Variants in ZNF440 observed in about 807,000 individuals in gnomAD.
ZNF440 encodes zinc finger protein 440.
A neutral mutation model predicts 49.7 loss-of-function variants in ZNF440; 47 were observed. The ratio of observed to expected loss-of-function variants is 0.95; its 90% CI spans 0.75 to 1.21. The LOEUF (loss-of-function observed/expected upper bound fraction) is 1.21. Ranked by LOEUF, ZNF440 falls within the 50% of genes most tolerant of loss-of-function variation. The probability of loss-of-function intolerance (pLI) is 0.00; values close to 1 mark genes in which losing one functional copy is unlikely to be tolerated. For missense variants in ZNF440, 703 were observed against 715.0 expected (o/e 0.98, Z 0.19); for synonymous variants, 255 against 237.7 (o/e 1.07, Z -0.67).
chr19:11,829,501 A>T (rs1258160261), intron 1 of ZNF440, among the ~76,000 whole-genome samples: 2 of 151,920 alleles, frequency 1.3e-5, no homozygotes, highest in Non-Finnish European at 2.9e-5. Flanking sequence ...TGCTAATGTT[A>T]ACTTTGTTTT....
At chr19:11,827,176 G>T (rs1287553322) in intron 1 of ZNF440, among the ~76,000 whole-genome samples, 1 of 151,004 alleles carries the variant, frequency 6.6e-6, no homozygotes, top group Non-Finnish European at 1.5e-5. Flanking sequence ...TGATTCTCCT[G>T]CCTCAGCCTC....
chr19:11,823,763 G>T (rs1469722881), intron 1 of ZNF440, among the ~76,000 whole-genome samples: 3 of 152,072 alleles, frequency 2.0e-5, no homozygotes, highest in African/African-American at 7.2e-5. Context: ...AGGAGTTTGA[G>T]ACCAGCCTGA....
intron 1 of ZNF440, among the ~76,000 whole-genome samples, chr19:11,821,480 C>T (rs1340593320): frequency 2.0e-5 from 3 of 152,126 alleles, no homozygotes; most frequent in African/African-American, 7.2e-5. Flanking sequence ...GCTTCCTGTC[C>T]TCTGGATTGT....
At position 11,817,565 on chromosome 19, in the gene ZNF440, C is replaced by G. The variant is rs141771197; in HGVS notation, c.3+3115C>G. On this transcript the variant is annotated intron_variant, in intron 1 of 3. Transcript: ENST00000304060. ...CCAGCTGAGGACACGCCACTGCACT[C>G]CAGCTTGGGTAACAGAGTGAGACCC... The G allele has an allele frequency of 1.5e-3, 224 of 152,314 alleles. 4 individuals carry two copies. The East Asian group carries it at 0.021, about 14-fold the overall frequency. 9.4% of individuals were successfully genotyped at this position (152,314 alleles called of 1,614,324 possible). A position where few individuals can be genotyped will look rare whatever the true frequency, so the allele number is the denominator to read the frequency against.
chr19:11,827,067 C>CT (rs35413250), intron 1 of ZNF440, among the ~76,000 whole-genome samples: 53,492 of 140,306 alleles, frequency 0.38, 10,374 homozygotes, highest in African/African-American at 0.46. Flanking sequence ...AAAGATTGGG[C>CT]TTTTTTTTTT....
At chr19:11,826,331 T>C (rs376798010) in intron 1 of ZNF440, among the ~76,000 whole-genome samples, 13 of 152,272 alleles carry the variant, frequency 8.5e-5, no homozygotes, top group African/African-American at 2.4e-4. Context: ...TTTTTTTTTT[T>C]TAAGACTCAC....
chr19:11,827,067 CT>C (rs35413250), intron 1 of ZNF440, among the ~76,000 whole-genome samples: 135 of 140,310 alleles, frequency 9.6e-4, no homozygotes, highest in African/African-American at 1.1e-3. Flanking sequence ...AAAGATTGGG[CT>C]TTTTTTTTTT....
chr19:11,820,034 G>A (rs931249221), intron 1 of ZNF440, among the ~76,000 whole-genome samples: 16 of 152,116 alleles, frequency 1.1e-4, no homozygotes, highest in African/African-American at 3.9e-4. Flanking sequence ...TGAAATCTGT[G>A]TCTGAACATT....
chr19:11,831,237 CA>C (rs1975932999), intron 3 of ZNF440, 130 bp from the exon 4 acceptor site: 1 of 1,277,762 alleles, frequency 7.8e-7, no homozygotes, highest in Admixed American at 2.8e-5. Context: ...CAGTCACCTT[CA>C]AACAATTCAG....
At chr19:11,830,590 A>C in intron 2 of ZNF440, 27 bp from the exon 3 acceptor site, 1 of 1,612,386 alleles carries the variant, frequency 6.2e-7, no homozygotes, top group Non-Finnish European at 8.5e-7. Context: ...CTGCCTCAGG[A>C]CTATTTTTTC....
In ZNF440 at chr19:11,831,662, A is replaced by G; in HGVS notation, c.486A>G (p.Gln162=). ...GATACCGCCCCTCCTTTAGAACACA[A>G]GAAAGGGATCACACTGGAGAGAAAC... is the stretch of plus-strand genomic sequence containing the variant. ...AFRYRPSFRT[Q]ERDHTGEKPN... is the part of the protein sequence containing the mutation. Residue 162 remains glutamine (Q), a synonymous_variant, in exon 4 of 4, where the codon CAA becomes CAG. Coordinates refer to ENST00000304060, the MANE Select transcript of ZNF440 (RefSeq NM_152357.3). The G allele has an allele frequency of 6.2e-7, 1 of 1,614,212 alleles. No homozygotes were observed. Among genetic ancestry groups the G allele is most frequent in the Non-Finnish European group, 8.5e-7 (1 of 1,180,024 alleles).
intron 1 of ZNF440, among the ~76,000 whole-genome samples, chr19:11,820,870 A>G (rs2145119521): frequency 1.3e-5 from 2 of 152,300 alleles, no homozygotes; most frequent in Middle Eastern, 6.8e-3. Flanking sequence ...GAGAACTCCC[A>G]AAAGACAAGG....
In ZNF440 at chr19:11,828,921, T is replaced by C. The variant is rs768453948; in HGVS notation, c.4-1362T>C. Among the ~76,000 whole-genome samples the C allele has an allele frequency of 1.9e-4, 29 of 152,058 alleles. 1 individual carries two copies. The highest frequency in any genetic ancestry group is 3.4e-3 in the Middle Eastern group (1 of 290). ...CTGATCTTGAACTCCAACCCTCAGG[T>C]GATCTGCCTACCTTGGCCTTCCAAA... is the stretch of plus-strand genomic sequence containing the variant. On this transcript the variant is annotated intron_variant, in intron 1 of 3. Transcript: ENST00000304060.
intron 1 of ZNF440, among the ~76,000 whole-genome samples, chr19:11,819,369 A>AT (rs1009918237): frequency 6.6e-6 from 1 of 150,782 alleles, no homozygotes; most frequent in Non-Finnish European, 1.5e-5. Flanking sequence ...TAGAGATTAA[A>AT]TTTTTTAATT....
Position 11,832,205 on chromosome 19 carries a change from G to C in ZNF440, c.1029G>C (p.Lys343Asn), listed in dbSNP as rs376743083. 1 of 1,614,054 alleles carries C rather than the reference G, an allele frequency of 6.2e-7. No homozygotes were observed. The highest frequency in any genetic ancestry group is 1.7e-5 in the Admixed American group (1 of 59,996). The change falls in exon 4 of 4, where the codon AAG becomes AAC. Residue 343 changes from lysine to asparagine, a missense_variant. Physicochemically the swap from Lys to Asn is moderately conservative, Grantham distance 94 (BLOSUM62 0). Coordinates refer to ENST00000304060, the MANE Select transcript of ZNF440 (RefSeq NM_152357.3). The stretch of plus-strand genomic sequence containing the variant: ...CTGGAGAAAGACCTTATGAATGTAA[G>C]ATATGTGGAAAAGACTTTTGTTCTG... The part of the protein sequence containing the change: ...LHSGERPYEC[K>N]ICGKDFCSVN...
At chr19:11,828,976 G>A (rs1407983122) in intron 1 of ZNF440, among the ~76,000 whole-genome samples, 5 of 152,116 alleles carry the variant, frequency 3.3e-5, no homozygotes, top group African/African-American at 9.7e-5. Flanking sequence ...GAGCCACCAC[G>A]CCTGGCTAAG....
Position 11,833,089 on chromosome 19 carries a change from G to T in ZNF440, c.*125G>T. On this transcript the variant is annotated 3_prime_UTR_variant, in exon 4 of 4. Coordinates refer to ENST00000304060, the MANE Select transcript of ZNF440 (RefSeq NM_152357.3). The stretch of plus-strand genomic sequence containing the variant: ...AACCCTATGAGTGTAAGCAATGTGG[G>T]AAAGCCTTTGTTTCCTTCACTTCCT... 2.0e-6 allele frequency: 3 copies of T among 1,504,042 alleles called. No individual in the cohort carries two copies. The highest frequency in any genetic ancestry group is 2.8e-6 in the Non-Finnish European group (3 of 1,090,328). The allele number at this position is 1,504,042 out of a possible 1,614,324, so 93.2% of individuals were successfully genotyped here.
chr19:11,832,976 G>A lies in ZNF440; in HGVS notation c.*12G>A. The A allele has an allele frequency of 1.2e-6, 2 of 1,604,068 alleles. No homozygotes were observed. On this transcript the variant is annotated 3_prime_UTR_variant, in exon 4 of 4. Coordinates refer to ENST00000304060, the MANE Select transcript of ZNF440 (RefSeq NM_152357.3). ...ACAAACACACATAATGCACTCTGTA[G>A]AGAGACCTTATAAATGTAAGATATG...
intron 1 of ZNF440, among the ~76,000 whole-genome samples, chr19:11,828,686 T>C (rs931771136): frequency 6.6e-6 from 1 of 150,586 alleles, no homozygotes; most frequent in Admixed American, 6.6e-5. Flanking sequence ...TTTTTCTTTT[T>C]CTTTTTTTTT....
Sources: gnomAD v4.1 joint callset for allele counts (sites outside exome capture counted in the v4.1 genomes callset) on GRCh38, gnomAD v4.1.1 for gene constraint, MANE v1.5 for transcripts, NCBI Gene and HGNC (gene_info 2026-07-23, HGNC 2026-07-21) for gene names.